The following DNER variants were observed in gnomAD, a reference collection of about 807,000 sequenced individuals.
DNER encodes delta and Notch-like epidermal growth factor-related receptor.
A neutral mutation model predicts 78.2 loss-of-function variants in DNER; 33 were observed. That is an observed-to-expected ratio of 0.42 (90% confidence interval 0.32 to 0.56). The LOEUF (loss-of-function observed/expected upper bound fraction) is 0.56. Among genes scored for constraint, DNER ranks in the 20% least tolerant of loss-of-function variants. The pLI is 0.11. For missense variants in DNER, 918 were observed against 975.3 expected (o/e 0.94, Z 0.78); for synonymous variants, 417 against 384.8 (o/e 1.08, Z -0.98).
chr2:229,682,708 C>T (rs983823596), intron 1 of DNER, among the ~76,000 whole-genome samples: 2 of 151,964 alleles, frequency 1.3e-5, no homozygotes, highest in Non-Finnish European at 2.9e-5. Flanking sequence ...ATTAGCCGGG[C>T]GTGGTGGTGG....
chr2:229,705,423 G>A (rs747130829), intron 1 of DNER, among the ~76,000 whole-genome samples: 3 of 152,094 alleles, frequency 2.0e-5, no homozygotes, highest in African/African-American at 4.8e-5. Context: ...CAAAAGCCCC[G>A]TGCCTTTTCT....
chr2:229,645,564 A>C (rs1311958355), intron 1 of DNER, among the ~76,000 whole-genome samples: 3 of 152,220 alleles, frequency 2.0e-5, no homozygotes, highest in African/African-American at 7.2e-5. Flanking sequence ...TAGTACCTGA[A>C]ATGTAGGACG....
intron 1 of DNER, among the ~76,000 whole-genome samples, chr2:229,615,738 G>C (rs745930323): frequency 2.0e-5 from 3 of 152,052 alleles, no homozygotes; most frequent in Non-Finnish European, 4.4e-5. Flanking sequence ...CTGTTTTGTA[G>C]AGGACAAAGT....
intron 7 of DNER, among the ~76,000 whole-genome samples, chr2:229,473,164 C>T (rs1336882845): frequency 2.0e-5 from 3 of 152,228 alleles, no homozygotes; most frequent in Non-Finnish European, 4.4e-5. Context: ...CCCATTTTAA[C>T]AGCTTTCCAG....
At chr2:229,563,576 T>C (rs1335397436) in intron 4 of DNER, among the ~76,000 whole-genome samples, 385 of 39,104 alleles carry the variant, frequency 9.8e-3, no homozygotes, top group Middle Eastern at 0.028. Flanking sequence ...CTCACCCCAT[T>C]GCCATCATCA....
At chr2:229,669,073 A>G (rs996673500) in intron 1 of DNER, among the ~76,000 whole-genome samples, 1 of 152,060 alleles carries the variant, frequency 6.6e-6, no homozygotes, top group Non-Finnish European at 1.5e-5. Context: ...CTTTGCAGGG[A>G]CATGAAGCTG....
chr2:229,666,152 C>T (rs1699089152), intron 1 of DNER, among the ~76,000 whole-genome samples: 1 of 152,170 alleles, frequency 6.6e-6, no homozygotes, highest in South Asian at 2.1e-4. Context: ...AGTCCTGCCT[C>T]CCCACATTCA....
chr2:229,492,835 A>G (rs1407110564), intron 6 of DNER, among the ~76,000 whole-genome samples: 3 of 148,336 alleles, frequency 2.0e-5, no homozygotes, highest in Non-Finnish European at 4.5e-5. Context: ...TGCGCAGCTA[A>G]GCTTTTTTTA....
At chr2:229,430,023 T>A (rs930016498) in intron 8 of DNER, among the ~76,000 whole-genome samples, 7 of 152,178 alleles carry the variant, frequency 4.6e-5, no homozygotes, top group Non-Finnish European at 7.3e-5. Flanking sequence ...TTGATCAAAC[T>A]GGGTAAATTG....
chr2:229,438,007 C>T (rs1330936334), intron 8 of DNER, among the ~76,000 whole-genome samples: 2 of 152,166 alleles, frequency 1.3e-5, no homozygotes, highest in Non-Finnish European at 1.5e-5. Flanking sequence ...ATTTGAGTCA[C>T]AGGAAAGGAA....
chr2:229,371,944 G>T (rs1471975128), intron 11 of DNER, among the ~76,000 whole-genome samples: 1 of 152,190 alleles, frequency 6.6e-6, no homozygotes, highest in East Asian at 1.9e-4. Flanking sequence ...TGTGAGGAGG[G>T]ATGTCAAATT....
chr2:229,420,569 C>A (rs1248732298), intron 8 of DNER, among the ~76,000 whole-genome samples: 11 of 152,090 alleles, frequency 7.2e-5, no homozygotes, highest in Admixed American at 7.2e-4. Context: ...TACATCTAAG[C>A]TTTTAGTCCA....
At chr2:229,662,225 C>T (rs1699020714) in intron 1 of DNER, among the ~76,000 whole-genome samples, 1 of 152,172 alleles carries the variant, frequency 6.6e-6, no homozygotes, top group South Asian at 2.1e-4. Context: ...GTCAGCACAG[C>T]AAAGGCATCC....
intron 7 of DNER, among the ~76,000 whole-genome samples, chr2:229,465,761 C>T (rs1055852389): frequency 4.6e-5 from 7 of 152,062 alleles, no homozygotes; most frequent in Non-Finnish European, 1.0e-4. Flanking sequence ...TGGCCCCAGA[C>T]AACACCTTGG....
intron 5 of DNER, among the ~76,000 whole-genome samples, chr2:229,538,323 C>G (rs1032784748): frequency 6.6e-6 from 1 of 152,150 alleles, no homozygotes; most frequent in Non-Finnish European, 1.5e-5. Flanking sequence ...TGTCATAAAG[C>G]TATTTAGTCA....
At chr2:229,378,613 G>A (rs1172851601) in intron 11 of DNER, among the ~76,000 whole-genome samples, 1 of 152,152 alleles carries the variant, frequency 6.6e-6, no homozygotes, top group Non-Finnish European at 1.5e-5. Context: ...AGCTATGTGG[G>A]CCATGGTTCT....
chr2:229,386,373 A>G (rs1412414181), intron 11 of DNER, among the ~76,000 whole-genome samples: 1 of 152,250 alleles, frequency 6.6e-6, no homozygotes, highest in Non-Finnish European at 1.5e-5. Context: ...AAACCCTAGA[A>G]GAAAACCTAG....
chr2:229,623,028 A>G (rs1354210983), intron 1 of DNER, among the ~76,000 whole-genome samples: 1 of 152,118 alleles, frequency 6.6e-6, no homozygotes, highest in East Asian at 1.9e-4. Flanking sequence ...GGTTTGTGCC[A>G]CCTGCTCATC....
chr2:229,465,389 G>A (rs547165579), intron 7 of DNER, among the ~76,000 whole-genome samples: 65 of 152,216 alleles, frequency 4.3e-4, no homozygotes, highest in African/African-American at 1.6e-3. Context: ...ATGAGAACAC[G>A]TGATCACAGG....
Sources: gnomAD v4.1 joint callset for allele counts (sites outside exome capture counted in the v4.1 genomes callset) on GRCh38, gnomAD v4.1.1 for gene constraint, MANE v1.5 for transcripts, NCBI Gene and HGNC (gene_info 2026-07-23, HGNC 2026-07-21) for gene names.